The following KCNIP4 variants were observed in gnomAD, a reference collection of about 807,000 sequenced individuals.
The protein encoded by KCNIP4 is Kv channel-interacting protein 4.
In KCNIP4, 12 loss-of-function variants were observed where a neutral mutation model predicts 34.0. The ratio of observed to expected loss-of-function variants is 0.35; its 90% CI spans 0.23 to 0.57. The LOEUF (loss-of-function observed/expected upper bound fraction) is 0.57. Among genes scored for constraint, KCNIP4 ranks in the 20% least tolerant of loss-of-function variants. The pLI, the probability that KCNIP4 is intolerant of heterozygous loss-of-function variation, is 0.83. For missense variants in KCNIP4, 238 were observed against 311.7 expected, an observed-to-expected ratio of 0.76 and a Z score of 1.78; for synonymous variants, 124 against 102.2, an observed-to-expected ratio of 1.21 and a Z score of -1.29.
chr4:21,046,730 T>C (rs1431218018), intron 1 of KCNIP4, among the ~76,000 whole-genome samples: 2 of 152,118 alleles, frequency 1.3e-5, no homozygotes, highest in Non-Finnish European at 2.9e-5. Context: ...TAGCTGGGAT[T>C]ACAGGCACGC....
chr4:21,327,314 A>C (rs1715186590), intron 1 of KCNIP4, among the ~76,000 whole-genome samples: 1 of 152,038 alleles, frequency 6.6e-6, no homozygotes, highest in South Asian at 2.1e-4. Flanking sequence ...ATGTATTTTC[A>C]CCAGATTTGC....
At chr4:20,878,153 T>G (rs1018222668) in intron 2 of KCNIP4, among the ~76,000 whole-genome samples, 2 of 152,150 alleles carry the variant, frequency 1.3e-5, no homozygotes, top group African/African-American at 2.4e-5. Flanking sequence ...TTTGTTTCTA[T>G]GTGCCTCAGT....
intron 1 of KCNIP4, among the ~76,000 whole-genome samples, chr4:21,704,020 G>A (rs180847756): frequency 6.6e-6 from 1 of 152,184 alleles, no homozygotes; most frequent in African/African-American, 2.4e-5. Flanking sequence ...CAGAAATAGA[G>A]CCACACAATT....
intron 1 of KCNIP4, among the ~76,000 whole-genome samples, chr4:21,605,377 A>T (rs561348911): frequency 6.6e-6 from 1 of 152,336 alleles, no homozygotes; most frequent in African/African-American, 2.4e-5. Context: ...GTGAGTCCTT[A>T]TTGAGGATCA....
At chr4:21,845,685 C>A (rs930618321) in intron 1 of KCNIP4, 1 of 151,952 alleles carries the variant, frequency 6.6e-6, no homozygotes, top group African/African-American at 2.4e-5. Context: ...AAAAACTTAA[C>A]CCTTTCGATT....
chr4:20,922,165 T>C (rs1560572232), intron 1 of KCNIP4, among the ~76,000 whole-genome samples: 1 of 152,184 alleles, frequency 6.6e-6, no homozygotes, highest in South Asian at 2.1e-4. Context: ...TCAACTTGAC[T>C]GGCCTAAGAG....
At chr4:21,829,316 T>C (rs1266052277) in intron 1 of KCNIP4, among the ~76,000 whole-genome samples, 3 of 151,968 alleles carry the variant, frequency 2.0e-5, no homozygotes, top group Non-Finnish European at 2.9e-5. Context: ...GAGAGAAAAA[T>C]AGCACTGACA....
At chr4:20,883,823 G>C (rs1392056900) in intron 1 of KCNIP4, among the ~76,000 whole-genome samples, 1 of 152,146 alleles carries the variant, frequency 6.6e-6, no homozygotes, top group Non-Finnish European at 1.5e-5. Context: ...GTGTAGAGTA[G>C]GATGACAAAA....
chr4:20,908,303 T>G (rs2149565170), intron 1 of KCNIP4, among the ~76,000 whole-genome samples: 1 of 152,262 alleles, frequency 6.6e-6, no homozygotes, highest in East Asian at 1.9e-4. Context: ...CTTCAACATG[T>G]TGGTCAGGCT....
chr4:20,836,905 C>A (rs1293415286), intron 3 of KCNIP4, among the ~76,000 whole-genome samples: 1 of 151,794 alleles, frequency 6.6e-6, no homozygotes, highest in Non-Finnish European at 1.5e-5. Context: ...CCATAATTTA[C>A]CCTTAAGTAA....
chr4:21,348,239 AT>A (rs1177630383), intron 1 of KCNIP4, among the ~76,000 whole-genome samples: 1 of 152,152 alleles, frequency 6.6e-6, no homozygotes, highest in Non-Finnish European at 1.5e-5. Flanking sequence ...GAGAAGATAT[AT>A]TATTATCAAG....
At chr4:21,711,525 G>T (rs1005428016) in intron 1 of KCNIP4, among the ~76,000 whole-genome samples, 1 of 151,962 alleles carries the variant, frequency 6.6e-6, no homozygotes, top group African/African-American at 2.4e-5. Context: ...CAAAATGGAA[G>T]TTATCACAAT....
chr4:20,841,307 G>A (rs1719688448), intron 3 of KCNIP4, among the ~76,000 whole-genome samples: 2 of 152,098 alleles, frequency 1.3e-5, no homozygotes, highest in South Asian at 2.1e-4. Context: ...CAGCCTGAAG[G>A]GCTGAGAATT....
At chr4:21,250,604 T>C (rs1760631738) in intron 1 of KCNIP4, among the ~76,000 whole-genome samples, 1 of 152,172 alleles carries the variant, frequency 6.6e-6, no homozygotes. Context: ...TCTTTCTGAC[T>C]TTTCAAAACT....
intron 1 of KCNIP4, among the ~76,000 whole-genome samples, chr4:21,071,387 T>G (rs1336565576): frequency 1.3e-5 from 2 of 152,202 alleles, no homozygotes; most frequent in African/African-American, 2.4e-5. Flanking sequence ...TCTGAACCTT[T>G]GACCAAAGGT....
chr4:21,119,814 G>T (rs1165126224), intron 1 of KCNIP4, among the ~76,000 whole-genome samples: 1 of 152,078 alleles, frequency 6.6e-6, no homozygotes, highest in Non-Finnish European at 1.5e-5. Context: ...AGAGGCAAAT[G>T]AAATTAAAGT....
intron 3 of KCNIP4, among the ~76,000 whole-genome samples, chr4:20,764,324 T>G (rs1329824503): frequency 1.3e-5 from 2 of 152,178 alleles, no homozygotes; most frequent in Non-Finnish European, 2.9e-5. Context: ...TTCTTTAACT[T>G]TAGGAAATAT....
chr4:21,869,702 C>A (rs1458072406), intron 1 of KCNIP4, among the ~76,000 whole-genome samples: 1 of 151,472 alleles, frequency 6.6e-6, no homozygotes, highest in Non-Finnish European at 1.5e-5. Flanking sequence ...TGCTCTTCCC[C>A]CCCACCGCCA....
chr4:21,261,620 G>A (rs1761475024), intron 1 of KCNIP4, among the ~76,000 whole-genome samples: 1 of 152,036 alleles, frequency 6.6e-6, no homozygotes, highest in African/African-American at 2.4e-5. Context: ...CTCACTAATG[G>A]TCACCCCATT....
Sources: gnomAD v4.1 joint callset for allele counts (sites outside exome capture counted in the v4.1 genomes callset) on GRCh38, gnomAD v4.1.1 for gene constraint, MANE v1.5 for transcripts, NCBI Gene and HGNC (gene_info 2026-07-23, HGNC 2026-07-21) for gene names.